GBP7: variants seen among roughly 807,000 people sequenced by gnomAD.
The protein encoded by GBP7 is guanylate-binding protein 7.
GBP7 carries 43 observed loss-of-function variants against 61.3 expected under a neutral mutation model. The observed-to-expected ratio is 0.70, with a 90% CI of 0.55 to 0.91. The LOEUF (loss-of-function observed/expected upper bound fraction) is 0.91, where lower values mean the gene tolerates loss of function less well. GBP7 is among the 40% of genes least tolerant of loss of function. GBP7 has a pLI of 0.00. For missense variants in GBP7, 717 were observed against 740.5 expected (o/e 0.97, Z 0.37); for synonymous variants, 267 against 271.0 (o/e 0.99, Z 0.14).
chr1:89,156,683 A>G (rs1291283618), intron 3 of GBP7, among the ~76,000 whole-genome samples: 1 of 152,226 alleles, frequency 6.6e-6, no homozygotes. Context: ...TGCACCCAAT[A>G]CAGGAGCACC....
In GBP7 at chr1:89,141,576, C is replaced by T. The variant is rs1434093099; in HGVS notation, c.1438G>A (p.Ala480Thr). ...IEESILQSDKALTAGEKAIAA... is the reference protein window; with the variant it reads ...IEESILQSDKTLTAGEKAIAA... ...ATGGCCTTCTCTCCAGCAGTGAGGG[C>T]TTTGTCTGACTGCAGGATGGATTCC... Residue 480 changes from alanine to threonine, a missense_variant, in exon 9 of 11, where the codon GCC becomes ACC. Transcript: ENST00000294671. 3 of 1,613,780 alleles carry T rather than the reference C, an allele frequency of 1.9e-6. No homozygotes were observed. The Admixed American group carries it at 5.0e-5, about 27-fold the overall frequency.
At chr1:89,174,339 GA>G (rs371566711) in intron 1 of GBP7, among the ~76,000 whole-genome samples, 44 of 152,212 alleles carry the variant, frequency 2.9e-4, no homozygotes, top group African/African-American at 9.4e-4. Flanking sequence ...TTCCTCTCCA[GA>G]AAGTTGTACA....
At chr1:89,151,334 C>T (rs1397599427) in intron 5 of GBP7, among the ~76,000 whole-genome samples, 1 of 152,160 alleles carries the variant, frequency 6.6e-6, no homozygotes, top group Non-Finnish European at 1.5e-5. Flanking sequence ...GCTAATATTA[C>T]ATAGCATCAT....
intron 2 of GBP7, among the ~76,000 whole-genome samples, chr1:89,169,162 A>G (rs908997139): frequency 6.6e-6 from 1 of 152,186 alleles, no homozygotes; most frequent in Non-Finnish European, 1.5e-5. Context: ...TGTCCTTTTT[A>G]CAAACAAGTG....
At position 89,171,906 on chromosome 1, in the gene GBP7, T is replaced by A. The variant is rs1337405513; in HGVS notation, c.30A>T (p.Pro10=). The change falls in exon 2 of 11, where the codon CCA becomes CCT. Residue 10 remains proline (P), a synonymous_variant. Transcript: ENST00000294671. ...CTTTAGTGTTCTCAGTGAGGCACAC[T>A]GGGCCTGGCATGTGGATCTCTGATG... MASEIHMPG[P]VCLTENTKGH... The A allele has an allele frequency of 1.1e-5, 17 of 1,613,302 alleles. No homozygotes were observed. The highest frequency in any genetic ancestry group is 1.4e-5 in the Non-Finnish European group (17 of 1,179,420).
At chr1:89,136,092 C>G (rs1044096289) in intron 9 of GBP7, among the ~76,000 whole-genome samples, 5 of 152,130 alleles carry the variant, frequency 3.3e-5, no homozygotes, top group Admixed American at 6.5e-5. Flanking sequence ...ATAAAAGTTT[C>G]AATTCAACGA....
rs529749076 is a variant in GBP7, at chr1:89,156,535, A to C, written c.319-3758T>G. Among the ~76,000 whole-genome samples, 3 of 152,258 alleles carry C rather than the reference A, an allele frequency of 2.0e-5. No individual in the cohort carries two copies. The South Asian group carries it at 6.2e-4, about 32-fold the overall frequency. ...TCTACCAAGCAAATGGAAAACAAAC[A>C]AAAAAAGCGGGGGTTGCAATCCTCA... On this transcript the variant is annotated intron_variant, in intron 3 of 10. Coordinates refer to ENST00000294671, the MANE Select transcript of GBP7 (RefSeq NM_207398.3).
Position 89,150,359 on chromosome 1 carries a change from A to G in GBP7, c.842T>C (p.Leu281Pro). ...TCCAGTGACAAGGATTCCCTCTCTC[A>G]GGGTCTTGGTCTTTGCATGGGTGAA... ...YIFTHAKTKTLREGILVTGNR... is the reference protein window; with the variant it reads ...YIFTHAKTKTPREGILVTGNR... The change falls in exon 6 of 11, where the codon CTG becomes CCG. Residue 281 changes from leucine (L) to proline (P), a missense_variant. Leu to Pro is a moderately conservative substitution (Grantham distance 98). Coordinates refer to ENST00000294671, the MANE Select transcript of GBP7 (RefSeq NM_207398.3). 1 of 1,613,762 alleles carries G rather than the reference A, an allele frequency of 6.2e-7. No homozygotes were observed. The highest frequency in any genetic ancestry group is 8.5e-7 in the Non-Finnish European group (1 of 1,179,638).
At chr1:89,173,819 C>T (rs1412866401) in intron 1 of GBP7, among the ~76,000 whole-genome samples, 1 of 152,084 alleles carries the variant, frequency 6.6e-6, no homozygotes, top group African/African-American at 2.4e-5. Flanking sequence ...CAGAGCTTTT[C>T]AAAAAGTTAC....
At chr1:89,151,143 G>C (rs1682187939) in intron 5 of GBP7, among the ~76,000 whole-genome samples, 2 of 151,946 alleles carry the variant, frequency 1.3e-5, no homozygotes, top group African/African-American at 4.8e-5. Context: ...CAGTATATTA[G>C]AGCCCTAGAC....
rs772804833 is a variant in GBP7, at chr1:89,152,392, G to T, written c.501C>A (p.Ser167Arg). The change falls in exon 5 of 11, where the codon AGC becomes AGA. Residue 167 changes from serine to arginine, a missense_variant. This residue lies in a region of GBP7 where 387 missense variants were observed against 385.2 expected (regional missense o/e 1.00). Transcript: ENST00000294671. The part of the protein sequence containing the change: ...CPRPDEVEDS[S>R]EFVSFFPDFI... Reference sequence around the variant, plus strand: ...AGTCTGGAAAGAAACTCACAAACTCGCTGGAGTCCTCAACTTCATCAGGTC... The same window carrying T: ...AGTCTGGAAAGAAACTCACAAACTCTCTGGAGTCCTCAACTTCATCAGGTC... 36 of 1,613,934 alleles carry T rather than the reference G, an allele frequency of 2.2e-5. No individual in the cohort carries two copies. The highest frequency in any genetic ancestry group is 2.8e-5 in the Non-Finnish European group (33 of 1,180,008).
Position 89,132,264 on chromosome 1 carries a change from C to T in GBP7, c.1802G>A (p.Gly601Asp). ...AGGTAGTGCTGCAATAAATATACTG[C>T]CAGCCACATCAAGAATCTGTGAAAA... is the stretch of plus-strand genomic sequence containing the variant. ...SVFSQILDVA[G>D]SIFIAALPGA... Residue 601 changes from glycine (G) to aspartate (D), a missense_variant, in exon 11 of 11, where the codon GGC becomes GAC. By Grantham distance (94) the Gly-to-Asp change is moderately conservative (BLOSUM62 -1). This residue lies in a region of GBP7 where 312 missense variants were observed against 310.1 expected (regional missense o/e 1.01). Coordinates refer to ENST00000294671, the MANE Select transcript of GBP7 (RefSeq NM_207398.3). The T allele has an allele frequency of 6.2e-7, 1 of 1,613,986 alleles. No individual in the cohort carries two copies.
chr1:89,152,410 A>T lies in GBP7; in HGVS notation c.483T>A (p.Asp161Glu). 2 of 1,614,136 alleles carry T rather than the reference A, an allele frequency of 1.2e-6. No homozygotes were observed. The highest frequency in any genetic ancestry group is 8.5e-7 in the Non-Finnish European group (1 of 1,180,024). The change falls in exon 5 of 11, where the codon GAT becomes GAA. Residue 161 changes from aspartate (D) to glutamate (E), a missense_variant. Physicochemically the swap from Asp to Glu is conservative, Grantham distance 45. Transcript: ENST00000294671. ...LIRAKSCPRP[D>E]EVEDSSEFVS... ...CAAACTCGCTGGAGTCCTCAACTTC[A>T]TCAGGTCTGGGGCACGATTTTGCCC...
rs190207070 is a variant in GBP7, at chr1:89,168,639, C to T, written c.190+3107G>A. Among the ~76,000 whole-genome samples the T allele has an allele frequency of 2.7e-3, 405 of 152,120 alleles. 2 individuals are homozygous for T. Among genetic ancestry groups the T allele is most frequent in the African/African-American group, 8.9e-3 (370 of 41,506 alleles). ...TAAAAGGAAGACAAATATTTTTATA[C>T]TTAAAACCAAACTGGCCAGGTGTGG... On this transcript the variant is annotated intron_variant, in intron 2 of 10. Coordinates refer to ENST00000294671, the MANE Select transcript of GBP7 (RefSeq NM_207398.3).
chr1:89,171,530 C>T (rs916398288), intron 2 of GBP7, among the ~76,000 whole-genome samples: 1 of 150,866 alleles, frequency 6.6e-6, no homozygotes. Flanking sequence ...TTATTAATAC[C>T]TTATTTATAT....
At chr1:89,156,646 A>G (rs1348564318) in intron 3 of GBP7, among the ~76,000 whole-genome samples, 2 of 152,254 alleles carry the variant, frequency 1.3e-5, no homozygotes, top group Admixed American at 6.5e-5. Flanking sequence ...CAATTCAACA[A>G]CAAGAGCTAA....
At chr1:89,148,894 C>T (rs1234737876) in intron 7 of GBP7, among the ~76,000 whole-genome samples, 1 of 152,064 alleles carries the variant, frequency 6.6e-6, no homozygotes, top group African/African-American at 2.4e-5. Flanking sequence ...TGAAATGTAA[C>T]ATAATCTGTA....
intron 3 of GBP7, among the ~76,000 whole-genome samples, chr1:89,164,444 A>G (rs906502003): frequency 3.3e-5 from 5 of 152,216 alleles, no homozygotes; most frequent in Admixed American, 2.0e-4. Context: ...GAGCTTTGAA[A>G]TTCAGGATTC....
At chr1:89,152,811 G>T (rs762622475) in intron 3 of GBP7, 34 bp from the exon 4 acceptor site, 5 of 1,479,160 alleles carry the variant, frequency 3.4e-6, no homozygotes, top group Non-Finnish European at 4.6e-6. Flanking sequence ...AAAAATGGAA[G>T]CCACAGTTTA....
Sources: allele counts gnomAD v4.1 joint callset (sites outside exome capture counted in the v4.1 genomes callset), GRCh38; gene constraint gnomAD v4.1.1; regional missense constraint gnomAD v4.1.1; transcripts MANE v1.5; gene names NCBI Gene and HGNC (gene_info 2026-07-23, HGNC 2026-07-21).